The following UBE2G1 variants were observed in gnomAD, a reference collection of about 807,000 sequenced individuals.
The protein encoded by UBE2G1 is ubiquitin-conjugating enzyme E2 G1.
Under a neutral mutation model 22.7 loss-of-function variants are expected in UBE2G1, and 5 were observed. The ratio of observed to expected loss-of-function variants is 0.22; its 90% CI spans 0.12 to 0.46. The LOEUF (loss-of-function observed/expected upper bound fraction) is 0.46, where lower values mean the gene tolerates loss of function less well. Among genes scored for constraint, UBE2G1 ranks in the 20% least tolerant of loss-of-function variants. The pLI is 0.99. For synonymous variants in UBE2G1, 74 were observed against 67.5 expected, an observed-to-expected ratio of 1.10 and a Z score of -0.47; for missense variants, 88 against 203.9, an observed-to-expected ratio of 0.43 and a Z score of 3.46.
chr17:4,282,880 T>G lies in UBE2G1; in HGVS notation c.468A>C (p.Lys156Asn). The G allele has an allele frequency of 6.2e-7, 1 of 1,613,480 alleles. No individual in the cohort carries two copies. ...REDRNGEFKR[K>N]VARCVRKSQE... ...GGCTTTTTCTTACACAGCGGGCAAC[T>G]TTTCTTTTAAATTCTCCATTTCTAT... The change falls in exon 5 of 6, where the codon AAA becomes AAC. Residue 156 changes from lysine to asparagine, a missense_variant. By Grantham distance (94) the Lys-to-Asn change is moderately conservative. Transcript: ENST00000396981.
chr17:4,297,595 G>T (rs1214842857), intron 2 of UBE2G1, among the ~76,000 whole-genome samples: 1 of 152,150 alleles, frequency 6.6e-6, no homozygotes, highest in African/African-American at 2.4e-5. Context: ...AAACCACAGA[G>T]ATCAAGTCAG....
chr17:4,343,168 C>T (rs1567528006), intron 1 of UBE2G1, among the ~76,000 whole-genome samples: 1 of 152,168 alleles, frequency 6.6e-6, no homozygotes, highest in African/African-American at 2.4e-5. Flanking sequence ...AGTAGGCACT[C>T]AAATATTTGT....
rs1181246739 is a variant in UBE2G1, at chr17:4,366,284, T to C, written c.33A>G (p.Arg11=). ...CCGCCTGCTCACCTGCCAGCTGTCT[T>C]CGCAGTAGCAGTGCCGACTGCAGCT... MTELQSALLL[R]RQLAELNKNP... Residue 11 remains arginine (R), a synonymous_variant, in exon 1 of 6, where the codon CGA becomes CGG. Coordinates refer to ENST00000396981, the MANE Select transcript of UBE2G1 (RefSeq NM_003342.5). 3 of 1,555,822 alleles carry C rather than the reference T, an allele frequency of 1.9e-6. No homozygotes were observed. Among genetic ancestry groups the C allele is most frequent in the Non-Finnish European group, 2.6e-6 (3 of 1,160,302 alleles).
chr17:4,319,974 T>C (rs1264348547), intron 1 of UBE2G1, among the ~76,000 whole-genome samples: 2 of 151,922 alleles, frequency 1.3e-5, no homozygotes, highest in Non-Finnish European at 2.9e-5. Flanking sequence ...TTTATATATA[T>C]ATATTTAATA....
At chr17:4,284,814 TTTTTC>T (rs66798746) in intron 4 of UBE2G1, among the ~76,000 whole-genome samples, 5 of 1,850 alleles carry the variant, frequency 2.7e-3, no homozygotes, top group African/African-American at 3.2e-3. Context: ...TTTCTTTTTC[TTTTTC>T]TTTTCTTTTC....
At chr17:4,301,753 G>T (rs1969182621) in intron 2 of UBE2G1, 2 of 636,474 alleles carry the variant, frequency 3.1e-6, no homozygotes, top group Non-Finnish European at 6.1e-6. Flanking sequence ...CTCAGCAGTT[G>T]CCCAGGACAT....
At chr17:4,291,358 CAAAAA>C (rs377584623) in intron 3 of UBE2G1, among the ~76,000 whole-genome samples, 89 of 117,982 alleles carry the variant, frequency 7.5e-4, no homozygotes, top group Non-Finnish European at 8.1e-4. Context: ...AACTCCATCT[CAAAAA>C]AAAAAAAAAA....
chr17:4,361,026 C>G (rs1317461629), intron 1 of UBE2G1, among the ~76,000 whole-genome samples: 1 of 152,004 alleles, frequency 6.6e-6, no homozygotes, highest in East Asian at 1.9e-4. Context: ...AGTTCAAGAT[C>G]GGCCTGGCCA....
At chr17:4,297,082 A>G (rs951870408) in intron 2 of UBE2G1, among the ~76,000 whole-genome samples, 5 of 152,240 alleles carry the variant, frequency 3.3e-5, no homozygotes, top group African/African-American at 1.2e-4. Flanking sequence ...AGATCATATT[A>G]CTGCTATGCT....
intron 4 of UBE2G1, among the ~76,000 whole-genome samples, chr17:4,287,745 A>G (rs993912649): frequency 7.9e-5 from 12 of 152,190 alleles, no homozygotes; most frequent in Non-Finnish European, 1.6e-4. Context: ...GGTTCTAAGA[A>G]TAAGAAAAAA....
In UBE2G1 at chr17:4,366,299, C is replaced by G. The variant is rs1306417044; in HGVS notation, c.18G>C (p.Ser6=). 6.4e-7 allele frequency: 1 copy of G among 1,554,800 alleles called. No homozygotes were observed. Among genetic ancestry groups the G allele is most frequent in the Non-Finnish European group, 8.6e-7 (1 of 1,159,718 alleles). MTELQ[S]ALLLRRQLAE... The stretch of plus-strand genomic sequence containing the variant: ...CCAGCTGTCTTCGCAGTAGCAGTGC[C>G]GACTGCAGCTCCGTCATCCTCCCTG... Residue 6 remains serine, a synonymous_variant, in exon 1 of 6, where the codon TCG becomes TCC. Transcript: ENST00000396981.
chr17:4,349,243 C>T (rs559437294), intron 1 of UBE2G1, among the ~76,000 whole-genome samples: 1 of 152,090 alleles, frequency 6.6e-6, no homozygotes, highest in Non-Finnish European at 1.5e-5. Context: ...TTGCTTGAAC[C>T]CGGGAGGCAG....
At chr17:4,312,720 A>G (rs1284053700) in intron 1 of UBE2G1, among the ~76,000 whole-genome samples, 1 of 150,920 alleles carries the variant, frequency 6.6e-6, no homozygotes, top group Admixed American at 6.6e-5. Flanking sequence ...AAAAAACAAA[A>G]GCCAAGAAAA....
At chr17:4,322,723 C>G (rs1193591849) in intron 1 of UBE2G1, among the ~76,000 whole-genome samples, 1 of 152,120 alleles carries the variant, frequency 6.6e-6, no homozygotes, top group Non-Finnish European at 1.5e-5. Flanking sequence ...GAACCAAAAG[C>G]TGAGCCCCTG....
At chr17:4,364,930 T>C (rs73330897) in intron 1 of UBE2G1, among the ~76,000 whole-genome samples, 178 of 152,302 alleles carry the variant, frequency 1.2e-3, no homozygotes, top group African/African-American at 4.2e-3. Context: ...GTAGTATCAT[T>C]AGAACTTCTC....
chr17:4,366,459 CGGGA>C lies in UBE2G1; in HGVS notation c.-147_-144del. ...GCCGAGGAAGGCCGGGCTGAGGCGG[CGGGA>C]GCGGCGCCTCGCTGCCGGTGCGAGT... On this transcript the variant is annotated 5_prime_UTR_variant, in exon 1 of 6. Coordinates refer to ENST00000396981, the MANE Select transcript of UBE2G1 (RefSeq NM_003342.5). 3 of 760,494 alleles carry C rather than the reference CGGGA, an allele frequency of 3.9e-6. No homozygotes were observed. Among genetic ancestry groups the C allele is most frequent in the Non-Finnish European group, 5.6e-6 (3 of 536,204 alleles). The allele number at this position is 760,494 out of a possible 1,614,324, so 47.1% of individuals were successfully genotyped here.
intron 1 of UBE2G1, among the ~76,000 whole-genome samples, chr17:4,325,857 G>A (rs752213398): frequency 1.3e-4 from 20 of 152,082 alleles, no homozygotes; most frequent in Middle Eastern, 3.2e-3. Flanking sequence ...TGACTAGACC[G>A]CTCAATGAGG....
chr17:4,304,206 C>T (rs1487743599), intron 2 of UBE2G1, among the ~76,000 whole-genome samples: 1 of 152,006 alleles, frequency 6.6e-6, no homozygotes, highest in East Asian at 1.9e-4. Context: ...GCCATGTAGC[C>T]GAAGCTGGTC....
intron 1 of UBE2G1, among the ~76,000 whole-genome samples, chr17:4,327,680 G>T (rs575233179): frequency 1.1e-4 from 17 of 152,138 alleles, no homozygotes; most frequent in Non-Finnish European, 2.1e-4. Context: ...CATATCAGAA[G>T]TGTGGGACAC....
Sources: allele counts gnomAD v4.1 joint callset (sites outside exome capture counted in the v4.1 genomes callset), GRCh38; gene constraint gnomAD v4.1.1; transcripts MANE v1.5; gene names NCBI Gene and HGNC (gene_info 2026-07-23, HGNC 2026-07-21).